The following MAP4K4 variants were observed in gnomAD, a reference collection of about 807,000 sequenced individuals.
MAP4K4 encodes the protein HPK/GCK-like kinase HGK.
A neutral mutation model predicts 189.6 loss-of-function variants in MAP4K4; 38 were observed. The observed-to-expected ratio is 0.20, with a 90% CI of 0.15 to 0.26. The LOEUF (loss-of-function observed/expected upper bound fraction) is 0.26, where lower values mean the gene tolerates loss of function less well. Among genes scored for constraint, MAP4K4 ranks in the 10% least tolerant of loss-of-function variants. The pLI, the probability that MAP4K4 is intolerant of heterozygous loss-of-function variation, is 1.00. For synonymous variants in MAP4K4, 610 were observed against 624.3 expected, an observed-to-expected ratio of 0.98 and a Z score of 0.34; for missense variants, 1,054 against 1,726.9, an observed-to-expected ratio of 0.61 and a Z score of 6.91.
chr2:101,702,001 G>T (rs1268007436), intron 2 of MAP4K4, among the ~76,000 whole-genome samples: 1 of 152,080 alleles, frequency 6.6e-6, no homozygotes, highest in Non-Finnish European at 1.5e-5. Context: ...GAGTAGTTGG[G>T]ATTACAAGTG....
rs116496488 is a variant in MAP4K4 at position 101,804,279 on chromosome 2, G to A, written c.180+13503G>A. 6.0e-3 allele frequency among the ~76,000 whole-genome samples: 914 copies of A among 152,244 alleles called. 10 individuals carry two copies. The highest frequency in any genetic ancestry group is 0.021 in the African/African-American group (883 of 41,536). On this transcript the variant is annotated intron_variant, in intron 3 of 32. Coordinates refer to ENST00000324219, the Ensembl canonical transcript of MAP4K4. Reference sequence around the variant, plus strand: ...GTTTTAATTGCAAAACAATTGTCCCGTTGAACCTTGGGCATTATATGTAGT... The same window carrying A: ...GTTTTAATTGCAAAACAATTGTCCCATTGAACCTTGGGCATTATATGTAGT...
intron 10 of MAP4K4, among the ~76,000 whole-genome samples, chr2:101,840,684 G>A (rs1281169288): frequency 6.6e-6 from 1 of 152,084 alleles, no homozygotes; most frequent in East Asian, 1.9e-4. Context: ...CTTCTCTTTT[G>A]TGGGTCCTTA....
intron 18 of MAP4K4, among the ~76,000 whole-genome samples, chr2:101,866,101 G>A (rs2097802334): frequency 6.6e-6 from 1 of 152,180 alleles, no homozygotes; most frequent in Non-Finnish European, 1.5e-5. Flanking sequence ...AATACGGAGT[G>A]TTTTCCTAAT....
At chr2:101,810,590 A>G (rs879206457) in intron 3 of MAP4K4, among the ~76,000 whole-genome samples, 1 of 152,102 alleles carries the variant, frequency 6.6e-6, no homozygotes, top group Non-Finnish European at 1.5e-5. Flanking sequence ...CCCCCAAGTA[A>G]TTAGAGATGT....
chr2:101,797,477 G>C, intron 3 of MAP4K4: 1 of 1,043,740 alleles, frequency 9.6e-7, no homozygotes, highest in Non-Finnish European at 1.3e-6. Flanking sequence ...TTTTCCCTTA[G>C]CTACTGAGAG....
intron 2 of MAP4K4, among the ~76,000 whole-genome samples, chr2:101,711,536 T>C (rs1318470406): frequency 6.6e-6 from 1 of 152,220 alleles, no homozygotes; most frequent in African/African-American, 2.4e-5. Flanking sequence ...ATTACAGGCG[T>C]GAGCCATTGG....
chr2:101,866,355 T>C lies in MAP4K4; in HGVS notation c.2205-73T>C, dbSNP rs987186931. ...TTAAAGACATTGGATGGGCACACCA[T>C]GCACATGTTGGTAATTTGGTGCTGC... On this transcript the variant is annotated intron_variant, in intron 18 of 32. Transcript: ENST00000324219. 32 of 1,464,896 alleles carry C rather than the reference T, an allele frequency of 2.2e-5. 1 individual carries two copies. Among genetic ancestry groups the C allele is most frequent in the Middle Eastern group, 1.9e-4 (1 of 5,274 alleles). The allele number at this position is 1,464,896 out of a possible 1,614,324, so 90.7% of individuals were successfully genotyped here. A position where few individuals can be genotyped will look rare whatever the true frequency, so the allele number is the denominator to read the frequency against.
At position 101,885,150 on chromosome 2, in the gene MAP4K4, C is replaced by T. The variant is rs780673184; in HGVS notation, c.3521-37C>T. On this transcript the variant is annotated intron_variant, in intron 28 of 32. Transcript: ENST00000324219. The stretch of plus-strand genomic sequence containing the variant: ...TTTAGAGGGCTATGTTGATACTGAC[C>T]TGTGCTTCTCTTGCTTTTTTATTTG... 10 of 1,205,302 alleles carry T rather than the reference C, an allele frequency of 8.3e-6. No individual in the cohort carries two copies. The African/African-American group carries it at 1.5e-4, about 18-fold the overall frequency. 74.7% of individuals were successfully genotyped at this position (1,205,302 alleles called of 1,614,324 possible). A position where few individuals can be genotyped will look rare whatever the true frequency, so the allele number is the denominator to read the frequency against.
At chr2:101,759,466 C>T (rs2150119224) in intron 2 of MAP4K4, among the ~76,000 whole-genome samples, 2 of 137,490 alleles carry the variant, frequency 1.5e-5, no homozygotes, top group African/African-American at 5.6e-5. Context: ...ATTTCCCTTT[C>T]CCTTTCCCTC....
intron 3 of MAP4K4, among the ~76,000 whole-genome samples, chr2:101,800,221 C>G (rs1032203047): frequency 2.6e-5 from 4 of 152,092 alleles, no homozygotes; most frequent in Admixed American, 2.6e-4. Context: ...CTTCAACTTC[C>G]CAGGCTCAAG....
At chr2:101,698,666 C>T (rs2036127171) in intron 2 of MAP4K4, 128 bp downstream of exon 2, 2 of 815,124 alleles carry the variant, frequency 2.5e-6, no homozygotes, top group East Asian at 2.5e-5. Flanking sequence ...AGAGGGGTTT[C>T]TTTCGCCTTG....
At chr2:101,840,831 C>T (rs746916357) in intron 10 of MAP4K4, among the ~76,000 whole-genome samples, 4 of 152,166 alleles carry the variant, frequency 2.6e-5, no homozygotes, top group Non-Finnish European at 5.9e-5. Context: ...GGCCTTTCTG[C>T]CTGTACTGGT....
chr2:101,717,597 T>G (rs182853245), intron 2 of MAP4K4, among the ~76,000 whole-genome samples: 5 of 152,344 alleles, frequency 3.3e-5, no homozygotes, highest in Admixed American at 1.3e-4. Context: ...TGAACTCCAT[T>G]ACCAGGTGAC....
At chr2:101,759,832 C>G (rs2075389719) in intron 2 of MAP4K4, among the ~76,000 whole-genome samples, 1 of 142,536 alleles carries the variant, frequency 7.0e-6, no homozygotes, top group African/African-American at 2.6e-5. Flanking sequence ...CCTTCCCTTC[C>G]CTTTTCCCTT....
intron 2 of MAP4K4, among the ~76,000 whole-genome samples, chr2:101,722,133 G>T (rs2052527847): frequency 6.6e-6 from 1 of 152,158 alleles, no homozygotes; most frequent in African/African-American, 2.4e-5. Flanking sequence ...ATCTTGGGGA[G>T]CTTTAAAGTC....
chr2:101,764,418 C>G (rs1558804374), intron 2 of MAP4K4, among the ~76,000 whole-genome samples: 1 of 152,120 alleles, frequency 6.6e-6, no homozygotes, highest in Non-Finnish European at 1.5e-5. Flanking sequence ...GCTCAAATTC[C>G]CATTGGTAAA....
exon 33 of MAP4K4, chr2:101,893,631 G>A: frequency 5.9e-6 from 1 of 169,114 alleles, no homozygotes; most frequent in Non-Finnish European, 1.3e-5. Context: ...CTAAGTGGGA[G>A]AAGGCAGAGA....
intron 12 of MAP4K4, among the ~76,000 whole-genome samples, chr2:101,854,875 C>T (rs984418747): frequency 6.6e-6 from 1 of 152,176 alleles, no homozygotes; most frequent in African/African-American, 2.4e-5. Context: ...CCAGTAGCCA[C>T]TAGCCACATT....
At chr2:101,736,955 CA>C (rs2060497204) in intron 2 of MAP4K4, among the ~76,000 whole-genome samples, 2 of 152,130 alleles carry the variant, frequency 1.3e-5, no homozygotes, top group South Asian at 4.1e-4. Flanking sequence ...TTTGACAACT[CA>C]TTTGTACTAT....
Sources: gnomAD v4.1 joint callset for allele counts (sites outside exome capture counted in the v4.1 genomes callset) on GRCh38, gnomAD v4.1.1 for gene constraint, MANE v1.5 for transcripts, NCBI Gene and HGNC (gene_info 2026-07-23, HGNC 2026-07-21) for gene names.